The following CNIH1 variants were observed in gnomAD, a reference collection of about 807,000 sequenced individuals.
CNIH1 encodes the protein protein cornichon homolog 1.
CNIH1 carries 12 observed loss-of-function variants against 20.2 expected under a neutral mutation model. The observed-to-expected ratio is 0.59, with a 90% CI of 0.38 to 0.96. The LOEUF (loss-of-function observed/expected upper bound fraction) is 0.96, where lower values mean the gene tolerates loss of function less well. Among genes scored for constraint, CNIH1 ranks in the 40% least tolerant of loss-of-function variants. The probability of loss-of-function intolerance (pLI) is 0.00; values close to 1 mark genes in which losing one functional copy is unlikely to be tolerated. For missense variants in CNIH1, 152 were observed against 178.8 expected (o/e 0.85, Z 0.85); for synonymous variants, 69 against 63.3 (o/e 1.09, Z -0.43).
At chr14:54,430,531 G>A in intron 3 of CNIH1, 127 bp from the exon 4 acceptor site, 1 of 839,548 alleles carries the variant, frequency 1.2e-6, no homozygotes, top group Non-Finnish European at 1.8e-6. Context: ...TTTTACTTAT[G>A]GGTAAAATGC....
chr14:54,433,321 A>G (rs113037192), intron 2 of CNIH1, among the ~76,000 whole-genome samples: 98 of 152,268 alleles, frequency 6.4e-4, no homozygotes, highest in African/African-American at 2.2e-3. Context: ...ACATACTCAG[A>G]CCCATTTTCT....
In CNIH1 at chr14:54,424,403, ATAAG is replaced by A. The variant is rs1484425222; in HGVS notation, c.*3407_*3410del. On this transcript the variant is annotated 3_prime_UTR_variant, in exon 5 of 5. Coordinates refer to ENST00000216416, the MANE Select transcript of CNIH1 (RefSeq NM_005776.3). ...CATTTATGGATGTTAAATGACATAAATAAGTAAACTAGACACATACTTTTAAATA... is the reference window on the plus strand; with the variant it reads ...CATTTATGGATGTTAAATGACATAAATAAACTAGACACATACTTTTAAATA... 6.6e-6 allele frequency: 1 copy of A among 152,188 alleles called. No homozygotes were observed. The highest frequency in any genetic ancestry group is 1.9e-4 in the East Asian group (1 of 5,206). The allele number at this position is 152,188 out of a possible 1,614,324, so 9.4% of individuals were successfully genotyped here.
chr14:54,428,649 C>T (rs1014651489), intron 4 of CNIH1, among the ~76,000 whole-genome samples: 9 of 152,150 alleles, frequency 5.9e-5, no homozygotes, highest in Non-Finnish European at 1.2e-4. Context: ...TCAACAAATA[C>T]GTATGAAGTG....
At chr14:54,439,412 G>T (rs927543298) in intron 1 of CNIH1, among the ~76,000 whole-genome samples, 4 of 151,744 alleles carry the variant, frequency 2.6e-5, no homozygotes, top group Admixed American at 6.6e-5. Context: ...ACACAACCTG[G>T]TTCAAAACGT....
chr14:54,433,078 G>A (rs1344309897), intron 2 of CNIH1, among the ~76,000 whole-genome samples: 1 of 152,160 alleles, frequency 6.6e-6, no homozygotes. Flanking sequence ...AGGAGTTAAT[G>A]CTTTATGTTA....
chr14:54,426,184 G>C lies in CNIH1; in HGVS notation c.*1630C>G, dbSNP rs1337843561. ...TAGTTCTCCAGACTGTGAAATACAA[G>C]GTCTTTAAAGCTTTCCTTGTTATGG... On this transcript the variant is annotated 3_prime_UTR_variant, in exon 5 of 5. Transcript: ENST00000216416. 6.6e-6 allele frequency: 1 copy of C among 152,110 alleles called. No homozygotes were observed. Among genetic ancestry groups the C allele is most frequent in the Non-Finnish European group, 1.5e-5 (1 of 68,010 alleles). 9.4% of individuals were successfully genotyped at this position (152,110 alleles called of 1,614,324 possible).
intron 4 of CNIH1, among the ~76,000 whole-genome samples, chr14:54,428,994 G>GT (rs145051223): frequency 0.067 from 10,173 of 152,248 alleles, 573 homozygotes; most frequent in East Asian, 0.28. Flanking sequence ...AGCTTATGCT[G>GT]TTTTTTAAAG....
rs909366445 is a variant in CNIH1, at chr14:54,424,819, G to A, written c.*2995C>T. On this transcript the variant is annotated 3_prime_UTR_variant, in exon 5 of 5. Transcript: ENST00000216416. ...TTGCCATGTGAGAGACCATTATCTGGGTACATGAATTTGACTGGTAGGTCT... is the reference window on the plus strand; with the variant it reads ...TTGCCATGTGAGAGACCATTATCTGAGTACATGAATTTGACTGGTAGGTCT... 3.9e-5 allele frequency: 6 copies of A among 152,072 alleles called. No individual in the cohort carries two copies. The highest frequency in any genetic ancestry group is 1.5e-5 in the Non-Finnish European group (1 of 67,996). 9.4% of individuals were successfully genotyped at this position (152,072 alleles called of 1,614,324 possible).
Position 54,427,576 on chromosome 14 carries a change from A to G in CNIH1, c.*238T>C. 1.9e-6 allele frequency: 1 copy of G among 512,988 alleles called. No homozygotes were observed. The highest frequency in any genetic ancestry group is 3.4e-6 in the Non-Finnish European group (1 of 290,970). 31.8% of individuals were successfully genotyped at this position (512,988 alleles called of 1,614,324 possible). On this transcript the variant is annotated 3_prime_UTR_variant, in exon 5 of 5. Coordinates refer to ENST00000216416, the MANE Select transcript of CNIH1 (RefSeq NM_005776.3). ...GTTCAAACCTGTCAACACCAGAGGT[A>G]ATCATTTTATATTAATTTATACGTA...
intron 1 of CNIH1, chr14:54,436,787 T>TAA: frequency 5.8e-5 from 22 of 381,844 alleles, no homozygotes; most frequent in South Asian, 8.3e-5. Context: ...CTCTTTATCC[T>TAA]AAAAAAAAAA....
chr14:54,431,982 T>C (rs2030957152), intron 3 of CNIH1, 126 bp downstream of exon 3: 3 of 453,502 alleles, frequency 6.6e-6, no homozygotes, highest in Non-Finnish European at 1.1e-5. Context: ...ACTTGATTTT[T>C]AAAAAAATAA....
intron 1 of CNIH1, among the ~76,000 whole-genome samples, chr14:54,441,006 G>T (rs540670762): frequency 3.9e-5 from 6 of 152,088 alleles, no homozygotes; most frequent in Non-Finnish European, 7.4e-5. Flanking sequence ...TCCAGTAGGG[G>T]AGGAGTAGCG....
chr14:54,429,478 G>C (rs924792115), intron 4 of CNIH1, among the ~76,000 whole-genome samples: 3 of 152,224 alleles, frequency 2.0e-5, no homozygotes, highest in African/African-American at 7.2e-5. Flanking sequence ...AAAAAATCAG[G>C]CTGGGCGCGA....
Position 54,429,243 on chromosome 14 carries a change from C to G in CNIH1, c.407+1018G>C, listed in dbSNP as rs553871833. ...TGGTTCTCACCCAGGGCAATTTTGC[C>G]CCTCAGGACATCTGGCAATGTCCAG... On this transcript the variant is annotated intron_variant, in intron 4 of 4. Transcript: ENST00000216416. Among the ~76,000 whole-genome samples the G allele has an allele frequency of 3.3e-5, 5 of 152,292 alleles. No homozygotes were observed. The East Asian group carries it at 9.6e-4, about 29-fold the overall frequency.
chr14:54,437,898 C>T (rs994881180), intron 1 of CNIH1, among the ~76,000 whole-genome samples: 1 of 151,828 alleles, frequency 6.6e-6, no homozygotes, highest in African/African-American at 2.4e-5. Flanking sequence ...TTGTCTATAA[C>T]AAGATCCAAC....
At chr14:54,433,721 T>C (rs1274194936) in intron 2 of CNIH1, among the ~76,000 whole-genome samples, 1 of 152,208 alleles carries the variant, frequency 6.6e-6, no homozygotes, top group Non-Finnish European at 1.5e-5. Flanking sequence ...AGCCATCTGA[T>C]ACCTAACAAA....
chr14:54,430,694 T>A (rs1450396038), intron 3 of CNIH1, among the ~76,000 whole-genome samples: 3 of 152,356 alleles, frequency 2.0e-5, no homozygotes, highest in African/African-American at 7.2e-5. Flanking sequence ...TTTACTTATC[T>A]TGGCATAATT....
In CNIH1 at chr14:54,425,760, G is replaced by A. The variant is rs1439196198; in HGVS notation, c.*2054C>T. The A allele has an allele frequency of 6.6e-6, 1 of 152,188 alleles. No individual in the cohort carries two copies. The highest frequency in any genetic ancestry group is 1.5e-5 in the Non-Finnish European group (1 of 68,024). The allele number at this position is 152,188 out of a possible 1,614,324, so 9.4% of individuals were successfully genotyped here. A position where few individuals can be genotyped will look rare whatever the true frequency, so the allele number is the denominator to read the frequency against. On this transcript the variant is annotated 3_prime_UTR_variant, in exon 5 of 5. Transcript: ENST00000216416. ...GTCAATCATCTTTGAGGAATCAGCT[G>A]AAGACTACATATCTTATTTGGGAAA... is the stretch of plus-strand genomic sequence containing the variant.
chr14:54,434,502 G>A (rs902141806), intron 2 of CNIH1, among the ~76,000 whole-genome samples: 3 of 152,158 alleles, frequency 2.0e-5, no homozygotes, highest in Non-Finnish European at 2.9e-5. Context: ...TCGGCAAAGT[G>A]CTTTAACCTG....
Sources: gnomAD v4.1 joint callset for allele counts (sites outside exome capture counted in the v4.1 genomes callset) on GRCh38, gnomAD v4.1.1 for gene constraint, MANE v1.5 for transcripts, NCBI Gene and HGNC (gene_info 2026-07-23, HGNC 2026-07-21) for gene names.